Variants in MAP2K2 observed in about 807,000 individuals in gnomAD.
The protein encoded by MAP2K2 is mitogen-activated protein kinase kinase 2, also known as dual specificity mitogen-activated protein kinase kinase 2.
A neutral mutation model predicts 43.7 loss-of-function variants in MAP2K2; 24 were observed. The observed-to-expected ratio is 0.55, with a 90% CI of 0.40 to 0.77. MAP2K2 has a LOEUF of 0.77. Among genes scored for constraint, MAP2K2 ranks in the 30% least tolerant of loss-of-function variants. The pLI, the probability that MAP2K2 is intolerant of heterozygous loss-of-function variation, is 0.00. For synonymous variants in MAP2K2, 244 were observed against 239.7 expected, an observed-to-expected ratio of 1.02 and a Z score of -0.17; for missense variants, 470 against 566.8, an observed-to-expected ratio of 0.83 and a Z score of 1.73.
chr19:4,096,375 C>G (rs1054736153), intron 8 of MAP2K2, among the ~76,000 whole-genome samples: 4 of 152,324 alleles, frequency 2.6e-5, no homozygotes, highest in Admixed American at 2.0e-4. Flanking sequence ...GTTTCTCTGC[C>G]CCAGCTCCAA....
At position 4,090,588 on chromosome 19, in the gene MAP2K2, C is replaced by T. The variant is rs767674295; in HGVS notation, c.*10G>A. The T allele has an allele frequency of 5.8e-6, 9 of 1,548,564 alleles. No homozygotes were observed. The East Asian group carries it at 7.3e-5, about 13-fold the overall frequency. On this transcript the variant is annotated 3_prime_UTR_variant, in exon 11 of 11. Coordinates refer to ENST00000262948, the MANE Select transcript of MAP2K2 (RefSeq NM_030662.4). ...AGGTCACCAGCGGGACGCAGGGAGC[C>T]CGGCCACTGTCACACGGCGGTGCGC... is the stretch of plus-strand genomic sequence containing the variant.
chr19:4,111,809 C>T (rs1398428812), intron 2 of MAP2K2, among the ~76,000 whole-genome samples: 3 of 152,048 alleles, frequency 2.0e-5, no homozygotes, highest in African/African-American at 4.8e-5. Flanking sequence ...CAAATTTAGC[C>T]GGGTGTGGTG....
intron 10 of MAP2K2, among the ~76,000 whole-genome samples, chr19:4,093,806 AG>A (rs1366123361): frequency 6.6e-6 from 1 of 152,074 alleles, no homozygotes; most frequent in African/African-American, 2.4e-5. Context: ...CGGGCTGTCT[AG>A]GGGGGTGGCA....
Position 4,123,888 on chromosome 19 carries a change from G to C in MAP2K2, c.-13C>G. The C allele has an allele frequency of 2.1e-6, 3 of 1,407,034 alleles. No homozygotes were observed. Among genetic ancestry groups the C allele is most frequent in the Non-Finnish European group, 2.8e-6 (3 of 1,073,876 alleles). 87.2% of individuals were successfully genotyped at this position (1,407,034 alleles called of 1,614,324 possible). ...TCCGGGCCAGCATCGGGGCTCCGCG[G>C]GCCGGCGGCGGCGGCGCCTCTAGCC... On this transcript the variant is annotated 5_prime_UTR_variant, in exon 1 of 11. Transcript: ENST00000262948.
In MAP2K2 at chr19:4,120,406, T is replaced by C. The variant is rs550754257; in HGVS notation, c.93-2777A>G. 3.9e-5 allele frequency among the ~76,000 whole-genome samples: 6 copies of C among 152,232 alleles called. No individual in the cohort carries two copies. In the South Asian group the frequency reaches 1.2e-3, roughly 31 times the overall value. On this transcript the variant is annotated intron_variant, in intron 1 of 10. Coordinates refer to ENST00000262948, the MANE Select transcript of MAP2K2 (RefSeq NM_030662.4). ...TCAGCTCACTGCAACCTCTGCCTCC[T>C]GGGTCCAAGCGATTCTCCTGCCTCA...
Position 4,101,301 on chromosome 19 carries a change from A to G in MAP2K2, c.529-21T>C, listed in dbSNP as rs772084380. ...AGAACCTGCAGGGGAGCGCGGAGGGAGTCACGGGACAAGGCCACCAGGGCT... is the reference window on the plus strand; with the variant it reads ...AGAACCTGCAGGGGAGCGCGGAGGGGGTCACGGGACAAGGCCACCAGGGCT... On this transcript the variant is annotated intron_variant, in intron 4 of 10. Coordinates refer to ENST00000262948, the MANE Select transcript of MAP2K2 (RefSeq NM_030662.4). The surrounding 1 kb of genome is among the most constrained non-coding windows in gnomAD (Gnocchi z 6.3). 4 of 1,568,822 alleles carry G rather than the reference A, an allele frequency of 2.5e-6. No homozygotes were observed. The South Asian group carries it at 4.7e-5, about 18-fold the overall frequency.
Position 4,099,310 on chromosome 19 carries a change from G to T in MAP2K2, c.810C>A (p.Pro270=), listed in dbSNP as rs374119774. 2.5e-6 allele frequency: 4 copies of T among 1,607,510 alleles called. No homozygotes were observed. Among genetic ancestry groups the T allele is most frequent in the African/African-American group, 2.7e-5 (2 of 74,962 alleles). ...LAVGRYPIPP[P]DAKELEAIFG... is the part of the protein sequence containing the mutation. ...AGATGGCCTCCAGCTCTTTGGCGTC[G>T]GGCGGGGGGATGGGGTACCTTCCGA... Residue 270 remains proline (P), a synonymous_variant, in exon 7 of 11, where the codon CCC becomes CCA. Coordinates refer to ENST00000262948, the MANE Select transcript of MAP2K2 (RefSeq NM_030662.4).
At chr19:4,109,229 CT>C (rs1320990371) in intron 3 of MAP2K2, among the ~76,000 whole-genome samples, 2 of 152,130 alleles carry the variant, frequency 1.3e-5, no homozygotes, top group Non-Finnish European at 2.9e-5. Flanking sequence ...GCTCTGGCCA[CT>C]TCTCCTTTTG....
rs1025381061 is a variant in MAP2K2, at chr19:4,115,229, C to A, written c.303+2190G>T. On this transcript the variant is annotated intron_variant, in intron 2 of 10. Transcript: ENST00000262948. The surrounding 1 kb of genome is among the most constrained non-coding windows in gnomAD (Gnocchi z 4.1). ...CAGAGCTGATGCTGGGACATCTCCA[C>A]CCACCAGACCACAGAACCTGCCCAG... Among the ~76,000 whole-genome samples the A allele has an allele frequency of 3.9e-5, 6 of 152,306 alleles. No homozygotes were observed. Among genetic ancestry groups the A allele is most frequent in the Middle Eastern group, 3.4e-3 (1 of 294 alleles).
rs560938281 is a variant in MAP2K2, at chr19:4,102,087, A to G, written c.528+289T>C. ...TGTCCCCTGCAACGTGCCAGCTGCC[A>G]ACATCCCCCTGCCACGAGGGGCAGA... On this transcript the variant is annotated intron_variant, in intron 4 of 10. Transcript: ENST00000262948. Among the ~76,000 whole-genome samples the G allele has an allele frequency of 2.0e-5, 3 of 152,270 alleles. No homozygotes were observed. In the East Asian group the frequency reaches 5.8e-4, roughly 29 times the overall value.
chr19:4,096,767 G>A (rs1241511657), intron 8 of MAP2K2, among the ~76,000 whole-genome samples: 1 of 152,166 alleles, frequency 6.6e-6, no homozygotes, highest in African/African-American at 2.4e-5. Flanking sequence ...TGCTCAAGGG[G>A]CAGGCTGGCT....
At chr19:4,107,222 C>A (rs1473008845) in intron 3 of MAP2K2, among the ~76,000 whole-genome samples, 1 of 151,842 alleles carries the variant, frequency 6.6e-6, no homozygotes, top group Non-Finnish European at 1.5e-5. Context: ...ATAGTGCCAT[C>A]CCATATCTAC....
rs1288516284 is a variant in MAP2K2 at position 4,123,893 on chromosome 19, G to C, written c.-18C>G. On this transcript the variant is annotated 5_prime_UTR_variant, in exon 1 of 11. Coordinates refer to ENST00000262948, the MANE Select transcript of MAP2K2 (RefSeq NM_030662.4). ...GCCAGCATCGGGGCTCCGCGGGCCG[G>C]CGGCGGCGGCGCCTCTAGCCGGGGC... The C allele has an allele frequency of 5.1e-6, 7 of 1,370,468 alleles. No individual in the cohort carries two copies. The highest frequency in any genetic ancestry group is 3.1e-5 in the East Asian group (1 of 32,368). The allele number at this position is 1,370,468 out of a possible 1,614,324, so 84.9% of individuals were successfully genotyped here. A position where few individuals can be genotyped will look rare whatever the true frequency, so the allele number is the denominator to read the frequency against.
chr19:4,117,702 G>T, intron 1 of MAP2K2, 73 bp from the exon 2 acceptor site: 1 of 1,387,656 alleles, frequency 7.2e-7, no homozygotes, highest in Non-Finnish European at 1.0e-6. Context: ...TGTGGCCGTG[G>T]TGCATCGGCC....
chr19:4,109,449 T>C (rs2041128327), intron 3 of MAP2K2, among the ~76,000 whole-genome samples: 1 of 152,168 alleles, frequency 6.6e-6, no homozygotes, highest in African/African-American at 2.4e-5. Context: ...TCAGCTTTGT[T>C]ATGTTTTGAG....
intron 9 of MAP2K2, 91 bp from the exon 10 acceptor site, chr19:4,094,589 G>A (rs964599219): frequency 1.1e-5 from 13 of 1,229,262 alleles, no homozygotes; most frequent in East Asian, 5.1e-5. Flanking sequence ...CGTGTGGGCC[G>A]TGGTCGGAGG....
rs765412949 is a variant in MAP2K2, at chr19:4,102,462, C to T, written c.451-9G>A. 9.4e-6 allele frequency: 15 copies of T among 1,591,026 alleles called. No individual in the cohort carries two copies. The highest frequency in any genetic ancestry group is 1.3e-5 in the Non-Finnish European group (15 of 1,168,674). On this transcript the variant is annotated splice_polypyrimidine_tract_variant and intron_variant, in intron 3 of 10. Transcript: ENST00000262948. ...TCCAGGGAGCCGCCGTCCTAGAGGG[C>T]ACACAAGGAGTGAGTGCAGGCTCTG...
In MAP2K2 at chr19:4,110,557, G is replaced by A. The variant is rs753713281; in HGVS notation, c.402C>T (p.Tyr134=). The change falls in exon 3 of 11, where the codon TAC becomes TAT. Residue 134 remains tyrosine, a synonymous_variant. Transcript: ENST00000262948. ...ECNSPYIVGF[Y]GAFYSDGEIS... ...TCTCCCCGTCACTGTAGAAGGCCCC[G>A]TAGAAGCCCACGATGTACGGCGAGT... 5.6e-6 allele frequency: 9 copies of A among 1,613,966 alleles called. No individual in the cohort carries two copies. Among genetic ancestry groups the A allele is most frequent in the Admixed American group, 5.0e-5 (3 of 60,018 alleles).
chr19:4,097,439 C>G (rs1487493322), intron 7 of MAP2K2, 96 bp from the exon 8 acceptor site: 7 of 887,100 alleles, frequency 7.9e-6, no homozygotes, highest in Non-Finnish European at 1.3e-5. Flanking sequence ...ACCAGGCGCC[C>G]TCCTCCACAT....
Sources: gnomAD v4.1 joint callset for allele counts (sites outside exome capture counted in the v4.1 genomes callset) on GRCh38, gnomAD v4.1.1 for gene constraint, Gnocchi (gnomAD v3.1) non-coding constraint, MANE v1.5 for transcripts, NCBI Gene and HGNC (gene_info 2026-07-23, HGNC 2026-07-21) for gene names.